CLEC16A: variants seen among roughly 807,000 people sequenced by gnomAD.
CLEC16A encodes protein CLEC16A.
Under a neutral mutation model 109.5 loss-of-function variants are expected in CLEC16A, and 51 were observed. That is an observed-to-expected ratio of 0.47 (90% CI 0.37 to 0.59). The LOEUF is 0.59. Ranked by LOEUF, CLEC16A falls within the 20% of genes least tolerant of loss-of-function variation. The probability of loss-of-function intolerance (pLI) is 0.00; values close to 1 mark genes in which losing one functional copy is unlikely to be tolerated. For missense variants in CLEC16A, 1,339 were observed against 1,394.0 expected, an observed-to-expected ratio of 0.96 and a Z score of 0.63; for synonymous variants, 673 against 564.2, an observed-to-expected ratio of 1.19 and a Z score of -2.73.
At chr16:11,115,599 C>T (rs1029584422) in intron 19 of CLEC16A, among the ~76,000 whole-genome samples, 1 of 152,172 alleles carries the variant, frequency 6.6e-6, no homozygotes, top group African/African-American at 2.4e-5. Flanking sequence ...TGTGGAACTC[C>T]TGGGCTCAAG....
At chr16:11,156,558 C>T (rs770505592) in intron 22 of CLEC16A, 2 of 1,301,222 alleles carry the variant, frequency 1.5e-6, no homozygotes, top group South Asian at 2.5e-5. Flanking sequence ...CCGCCTTCCT[C>T]CTGCTGCCGT....
chr16:11,150,867 T>G (rs2054266553), intron 22 of CLEC16A, among the ~76,000 whole-genome samples: 1 of 152,208 alleles, frequency 6.6e-6, no homozygotes, highest in South Asian at 2.1e-4. Flanking sequence ...CTGGCAATCT[T>G]TGCTACTTTT....
Position 11,178,267 on chromosome 16 carries a change from C to T in CLEC16A, c.2807-68C>T. Reference sequence around the variant, plus strand: ...CCAGGGCCGCGGTTCAGGATGGGAGCACAGGGCGCAGTGCGACGGGGTGTC... The same window carrying T: ...CCAGGGCCGCGGTTCAGGATGGGAGTACAGGGCGCAGTGCGACGGGGTGTC... On this transcript the variant is annotated intron_variant, in intron 23 of 23. Coordinates refer to ENST00000409790, the MANE Select transcript of CLEC16A (RefSeq NM_015226.3). This position sits in a 1 kb window ranked among gnomAD's most constrained non-coding sequence, Gnocchi z 6.5. The T allele has an allele frequency of 4.9e-6, 7 of 1,415,518 alleles. No homozygotes were observed. Among genetic ancestry groups the T allele is most frequent in the African/African-American group, 1.4e-5 (1 of 71,026 alleles). The allele number at this position is 1,415,518 out of a possible 1,614,324, so 87.7% of individuals were successfully genotyped here.
intron 11 of CLEC16A, among the ~76,000 whole-genome samples, chr16:11,008,261 T>C (rs1441376131): frequency 6.6e-6 from 1 of 152,164 alleles, no homozygotes; most frequent in East Asian, 1.9e-4. Flanking sequence ...ATCGCTGGAA[T>C]ATGGAACACA....
Position 10,971,217 on chromosome 16 carries a change from G to T in CLEC16A, c.585G>T (p.Leu195Phe). The T allele has an allele frequency of 6.2e-7, 1 of 1,611,786 alleles. No individual in the cohort carries two copies. The highest frequency in any genetic ancestry group is 1.3e-5 in the African/African-American group (1 of 74,968). The change falls in exon 5 of 24, where the codon TTG becomes TTT. Residue 195 changes from leucine (L) to phenylalanine (F), a missense_variant. Leu to Phe is a conservative substitution (Grantham distance 22). Around this residue, in one of 3 missense-constraint regions of CLEC16A, gnomAD observed 161 missense variants for 267.1 expected, o/e 0.60. Transcript: ENST00000409790. ...GAATTGCTGTAAGAACCATAACTTT[G>T]AATGTCTATAAAGGTAAGTGTCCTC... ...MVRIAVRTITLNVYKVSLDNQ... is the reference protein window; with the variant it reads ...MVRIAVRTITFNVYKVSLDNQ...
intron 1 of CLEC16A, among the ~76,000 whole-genome samples, chr16:10,957,555 G>A (rs990796753): frequency 5.9e-5 from 9 of 152,318 alleles, no homozygotes; most frequent in Non-Finnish European, 1.0e-4. Flanking sequence ...AGGGTTTGAC[G>A]ATTTTCTTGT....
intron 19 of CLEC16A, among the ~76,000 whole-genome samples, chr16:11,104,544 T>C (rs1485228941): frequency 6.6e-6 from 1 of 152,204 alleles, no homozygotes; most frequent in African/African-American, 2.4e-5. Context: ...TTGTGTACTT[T>C]TCTGATGAGG....
chr16:11,119,453 A>G (rs1338459823), intron 19 of CLEC16A, among the ~76,000 whole-genome samples: 1 of 152,072 alleles, frequency 6.6e-6, no homozygotes, highest in Non-Finnish European at 1.5e-5. Flanking sequence ...CAGTGGCATG[A>G]TCATGGCTCA....
At chr16:11,019,569 G>A (rs1050225668) in intron 11 of CLEC16A, among the ~76,000 whole-genome samples, 1 of 152,170 alleles carries the variant, frequency 6.6e-6, no homozygotes, top group Non-Finnish European at 1.5e-5. Flanking sequence ...AGGAATTCGA[G>A]ACCAGCCTGG....
intron 19 of CLEC16A, among the ~76,000 whole-genome samples, chr16:11,098,794 A>T (rs768357960): frequency 1.4e-4 from 21 of 151,658 alleles, no homozygotes; most frequent in Non-Finnish European, 1.6e-4. Context: ...TAACTTTTCA[A>T]CTCCTTCGTT....
chr16:11,166,502 C>G lies in CLEC16A; in HGVS notation c.2756C>G (p.Ser919Cys), dbSNP rs772167498. ...SGSGSTSHCD[S>C]GGTSSSSTPS... ...AGCGGGAGCACCAGCCACTGCGACT[C>G]TGGAGGCACCAGCTCGTCCTCCACC... Residue 919 changes from serine (S) to cysteine (C), a missense_variant, in exon 23 of 24, where the codon TCT (serine) becomes TGT (cysteine). Transcript: ENST00000409790. The G allele has an allele frequency of 6.2e-6, 10 of 1,609,392 alleles. No homozygotes were observed. The highest frequency in any genetic ancestry group is 1.3e-5 in the African/African-American group (1 of 74,942).
At position 11,180,782 on chromosome 16, in the gene CLEC16A, C is replaced by G. The variant is rs1319646613; in HGVS notation, c.*2092C>G. 6.6e-6 allele frequency: 1 copy of G among 152,416 alleles called. No homozygotes were observed. The highest frequency in any genetic ancestry group is 1.5e-5 in the Non-Finnish European group (1 of 68,180). The allele number at this position is 152,416 out of a possible 1,614,324, so 9.4% of individuals were successfully genotyped here. On this transcript the variant is annotated 3_prime_UTR_variant, in exon 24 of 24. Transcript: ENST00000409790. ...CATGCCACACGGGTGGGCCACCAGC[C>G]TGCTGTCAGAAGTCTCTGGGCTCCA...
chr16:11,105,623 C>T (rs962557722), intron 19 of CLEC16A, among the ~76,000 whole-genome samples: 6 of 152,324 alleles, frequency 3.9e-5, no homozygotes, highest in Middle Eastern at 3.4e-3. Context: ...TGGAAAACCC[C>T]ACCTTTGGAA....
In CLEC16A at chr16:10,972,998, A is replaced by G; in HGVS notation, c.665A>G (p.Asn222Ser). 1.9e-6 allele frequency: 3 copies of G among 1,611,180 alleles called. No homozygotes were observed. The highest frequency in any genetic ancestry group is 2.2e-5 in the East Asian group (1 of 44,818). Residue 222 changes from asparagine to serine, a missense_variant, in exon 7 of 24, where the codon AAT (asparagine) becomes AGT (serine). Transcript: ENST00000409790. The stretch of plus-strand genomic sequence containing the variant: ...AAAACTGCTGTTCCTTACTTCTCCA[A>G]TTTGGTCTGGTTCATTGGGAGCCAT... The part of the protein sequence containing the change: ...RDKTAVPYFS[N>S]LVWFIGSHVI...
At chr16:10,956,594 G>A (rs535034632) in intron 1 of CLEC16A, among the ~76,000 whole-genome samples, 26 of 152,286 alleles carry the variant, frequency 1.7e-4, no homozygotes, top group African/African-American at 6.0e-4. Context: ...CTTAAAAGCC[G>A]TGCCCGGTGG....
intron 22 of CLEC16A, among the ~76,000 whole-genome samples, 169 bp from the exon 23 acceptor site, chr16:11,166,219 C>A (rs991725856): frequency 6.6e-6 from 1 of 152,240 alleles, no homozygotes; most frequent in African/African-American, 2.4e-5. Context: ...CTTGAAATAG[C>A]TTCAAAATGT....
chr16:11,108,792 T>G (rs2051376323), intron 19 of CLEC16A, among the ~76,000 whole-genome samples: 1 of 152,170 alleles, frequency 6.6e-6, no homozygotes, highest in South Asian at 2.1e-4. Context: ...AAGGTTGGTC[T>G]TGGTGCCAGC....
intron 10 of CLEC16A, among the ~76,000 whole-genome samples, chr16:10,992,938 A>T (rs922758781): frequency 6.6e-6 from 1 of 152,068 alleles, no homozygotes; most frequent in Non-Finnish European, 1.5e-5. Context: ...AGGCCTGCTG[A>T]GAGTTGAGGG....
At chr16:11,175,485 A>G (rs1242786019) in intron 23 of CLEC16A, among the ~76,000 whole-genome samples, 1 of 152,166 alleles carries the variant, frequency 6.6e-6, no homozygotes, top group African/African-American at 2.4e-5. Flanking sequence ...TCAGCACTTG[A>G]CTAGAAAAAA....
Sources: gnomAD v4.1 joint callset for allele counts (sites outside exome capture counted in the v4.1 genomes callset) on GRCh38, gnomAD v4.1.1 for gene constraint, gnomAD v4.1.1 regional missense constraint, Gnocchi (gnomAD v3.1) non-coding constraint, MANE v1.5 for transcripts, NCBI Gene and HGNC (gene_info 2026-07-23, HGNC 2026-07-21) for gene names.